Variants in PIP4K2A observed in about 807,000 individuals in gnomAD.
PIP4K2A encodes the protein phosphatidylinositol 5-phosphate 4-kinase type-2 alpha.
PIP4K2A carries 14 observed loss-of-function variants against 42.9 expected under a neutral mutation model. The observed-to-expected ratio is 0.33, with a 90% CI of 0.22 to 0.51. PIP4K2A has a LOEUF of 0.51. PIP4K2A is among the 20% of genes least tolerant of loss of function. PIP4K2A has a pLI of 0.97. For synonymous variants in PIP4K2A, 192 were observed against 192.2 expected, an observed-to-expected ratio of 1.00 and a Z score of 0.01; for missense variants, 434 against 519.8, an observed-to-expected ratio of 0.83 and a Z score of 1.61.
intron 1 of PIP4K2A, among the ~76,000 whole-genome samples, chr10:22,647,041 G>C (rs976492763): frequency 6.6e-6 from 1 of 152,084 alleles, no homozygotes; most frequent in African/African-American, 2.4e-5. Context: ...GAAACAAACA[G>C]AATTGTTTAC....
chr10:22,535,967 G>A lies in PIP4K2A; in HGVS notation c.*1234C>T. Reference sequence around the variant, plus strand: ...GACTAAAACACTCACGTAAAAACATGGCTGCAGGATACGTCTCAAAATATG... The same window carrying A: ...GACTAAAACACTCACGTAAAAACATAGCTGCAGGATACGTCTCAAAATATG... On this transcript the variant is annotated 3_prime_UTR_variant, in exon 10 of 10. Coordinates refer to ENST00000376573, the MANE Select transcript of PIP4K2A (RefSeq NM_005028.5). The A allele has an allele frequency of 2.5e-6, 1 of 395,386 alleles. No homozygotes were observed. The allele number at this position is 395,386 out of a possible 1,614,324, so 24.5% of individuals were successfully genotyped here.
At chr10:22,630,005 C>T (rs1838516666) in intron 1 of PIP4K2A, among the ~76,000 whole-genome samples, 1 of 152,078 alleles carries the variant, frequency 6.6e-6, no homozygotes, top group Admixed American at 6.5e-5. Context: ...CTACAAGATG[C>T]TCTCTGTATT....
intron 1 of PIP4K2A, among the ~76,000 whole-genome samples, chr10:22,618,439 T>C (rs945460086): frequency 2.6e-5 from 4 of 152,206 alleles, no homozygotes; most frequent in East Asian, 1.9e-4. Context: ...TCCAGAGCTA[T>C]TGAAGTGACT....
chr10:22,669,294 G>A (rs1839405551), intron 1 of PIP4K2A, among the ~76,000 whole-genome samples: 1 of 152,140 alleles, frequency 6.6e-6, no homozygotes, highest in Non-Finnish European at 1.5e-5. Flanking sequence ...CAAGGACACA[G>A]CCTATACACG....
intron 5 of PIP4K2A, among the ~76,000 whole-genome samples, chr10:22,569,523 T>G (rs987744716): frequency 9.9e-5 from 15 of 152,232 alleles, no homozygotes; most frequent in Non-Finnish European, 1.5e-4. Flanking sequence ...ACACTGATTT[T>G]TCACAACGAA....
At chr10:22,693,442 C>CAACT (rs1260340957) in intron 1 of PIP4K2A, among the ~76,000 whole-genome samples, 1 of 152,074 alleles carries the variant, frequency 6.6e-6, no homozygotes, top group East Asian at 1.9e-4. Flanking sequence ...ACTCAGAAGG[C>CAACT]AACTTCTCAG....
chr10:22,575,143 A>T, intron 4 of PIP4K2A, among the ~76,000 whole-genome samples: 1 of 152,330 alleles, frequency 6.6e-6, no homozygotes, highest in East Asian at 1.9e-4. Context: ...AGGTAAGAGT[A>T]TGTCAAAATA....
chr10:22,566,212 T>C (rs547960793), intron 6 of PIP4K2A, among the ~76,000 whole-genome samples: 2 of 152,306 alleles, frequency 1.3e-5, no homozygotes, highest in South Asian at 4.1e-4. Context: ...TCACAGATCC[T>C]ACCAACGTGT....
At chr10:22,541,153 G>A (rs572028041) in intron 8 of PIP4K2A, among the ~76,000 whole-genome samples, 9 of 152,272 alleles carry the variant, frequency 5.9e-5, no homozygotes, top group African/African-American at 1.7e-4. Flanking sequence ...ACCTGGATAC[G>A]GTGGATTAAG....
chr10:22,689,672 G>T (rs1393475225), intron 1 of PIP4K2A, among the ~76,000 whole-genome samples: 1 of 152,168 alleles, frequency 6.6e-6, no homozygotes, highest in Non-Finnish European at 1.5e-5. Context: ...GATACTGAGG[G>T]ATGACTGTAA....
At chr10:22,644,065 A>G (rs2130797875) in intron 1 of PIP4K2A, among the ~76,000 whole-genome samples, 1 of 152,294 alleles carries the variant, frequency 6.6e-6, no homozygotes, top group South Asian at 2.1e-4. Flanking sequence ...TCTAACAAGC[A>G]TCCCCAAAAC....
chr10:22,671,883 T>C (rs1016240974), intron 1 of PIP4K2A, among the ~76,000 whole-genome samples: 8 of 152,038 alleles, frequency 5.3e-5, no homozygotes, highest in African/African-American at 1.9e-4. Context: ...ACAAAAAATG[T>C]CTGGACTAGC....
intron 1 of PIP4K2A, among the ~76,000 whole-genome samples, chr10:22,643,923 G>C (rs933077661): frequency 6.6e-6 from 1 of 152,006 alleles, no homozygotes; most frequent in Non-Finnish European, 1.5e-5. Context: ...TCCCTTGGAG[G>C]GTTTATCATC....
At chr10:22,649,483 C>T (rs1009604751) in intron 1 of PIP4K2A, among the ~76,000 whole-genome samples, 2 of 152,200 alleles carry the variant, frequency 1.3e-5, no homozygotes, top group Non-Finnish European at 2.9e-5. Flanking sequence ...TCCACCTAAG[C>T]GCCAAGTTGC....
intron 1 of PIP4K2A, among the ~76,000 whole-genome samples, chr10:22,617,773 G>A (rs949386752): frequency 6.6e-6 from 1 of 152,146 alleles, no homozygotes. Flanking sequence ...GGGAAGACAG[G>A]AGATGTCGAG....
chr10:22,580,859 C>T (rs1044740071), intron 4 of PIP4K2A, among the ~76,000 whole-genome samples: 4 of 152,158 alleles, frequency 2.6e-5, no homozygotes, highest in East Asian at 1.9e-4. Flanking sequence ...TCCCTTTCTG[C>T]GATGGTAATG....
intron 1 of PIP4K2A, among the ~76,000 whole-genome samples, chr10:22,666,812 C>T (rs910931645): frequency 1.3e-5 from 2 of 152,164 alleles, no homozygotes; most frequent in Non-Finnish European, 2.9e-5. Context: ...TTTCCCATTA[C>T]ATTTGTAGAA....
chr10:22,686,618 C>A (rs1456925235), intron 1 of PIP4K2A, among the ~76,000 whole-genome samples: 2 of 152,122 alleles, frequency 1.3e-5, no homozygotes, highest in Non-Finnish European at 2.9e-5. Context: ...CACAGGCATA[C>A]ACCAACTAAT....
intron 3 of PIP4K2A, among the ~76,000 whole-genome samples, chr10:22,601,293 T>G (rs1002450730): frequency 3.3e-5 from 5 of 151,972 alleles, no homozygotes; most frequent in African/African-American, 1.2e-4. Flanking sequence ...AAAGCAGGTT[T>G]GAGGCGGGAA....
Sources: allele counts gnomAD v4.1 joint callset (sites outside exome capture counted in the v4.1 genomes callset), GRCh38; gene constraint gnomAD v4.1.1; transcripts MANE v1.5; gene names NCBI Gene and HGNC (gene_info 2026-07-23, HGNC 2026-07-21).